Variants in GPHN observed in about 807,000 individuals in gnomAD.
The protein encoded by GPHN is gephyrin.
GPHN carries 17 observed loss-of-function variants against 95.5 expected under a neutral mutation model. That is an observed-to-expected ratio of 0.18 (90% CI 0.12 to 0.27). The LOEUF (loss-of-function observed/expected upper bound fraction) is 0.27, where lower values mean the gene tolerates loss of function less well. Ranked by LOEUF, GPHN falls within the 10% of genes least tolerant of loss-of-function variation. The pLI is 1.00. For missense variants in GPHN, 660 were observed against 978.1 expected, an observed-to-expected ratio of 0.67 and a Z score of 4.34; for synonymous variants, 320 against 322.5, an observed-to-expected ratio of 0.99 and a Z score of 0.08.
chr14:67,411,719 C>T, the GPHN span, among the ~76,000 whole-genome samples: 2,385 of 152,308 alleles, frequency 0.016, 25 homozygotes, highest in Middle Eastern at 0.034. Context: ...TCATACCATT[C>T]ATAATATTTT....
At chr14:67,261,423 A>T in the GPHN span, among the ~76,000 whole-genome samples, 1 of 152,202 alleles carries the variant, frequency 6.6e-6, no homozygotes, top group Non-Finnish European at 1.5e-5. Context: ...GAGTTGGTAT[A>T]GTTATAAGTA....
At chr14:66,918,864 T>C (rs2066054042) in intron 6 of GPHN, among the ~76,000 whole-genome samples, 1 of 152,126 alleles carries the variant, frequency 6.6e-6, no homozygotes, top group Non-Finnish European at 1.5e-5. Context: ...CAAAGATAGG[T>C]CGAAAGATTA....
At chr14:67,068,759 C>T (rs563182906) in intron 11 of GPHN, among the ~76,000 whole-genome samples, 18 of 152,246 alleles carry the variant, frequency 1.2e-4, no homozygotes, top group African/African-American at 4.3e-4. Flanking sequence ...TTAAGTTTTG[C>T]TGTTGGAAGT....
the GPHN span, chr14:67,586,169 G>A: frequency 3.3e-6 from 5 of 1,537,632 alleles, no homozygotes; most frequent in East Asian, 6.7e-5. Context: ...AAAGGAAACT[G>A]GGGTTATGCT....
At chr14:67,588,016 G>A in the GPHN span, 5 of 152,544 alleles carry the variant, frequency 3.3e-5, no homozygotes, top group Non-Finnish European at 7.4e-5. Flanking sequence ...GACAGAGTTG[G>A]AGAAAAAAGA....
the GPHN span, among the ~76,000 whole-genome samples, chr14:67,439,604 T>TTTTCTTTCTTTC: frequency 7.5e-6 from 1 of 133,524 alleles, no homozygotes; most frequent in African/African-American, 3.1e-5. Flanking sequence ...TTCTTTCTTT[T>TTTTCTTTCTTTC]TTGCATCAGA....
chr14:67,698,359 G>A, the GPHN span, among the ~76,000 whole-genome samples: 38 of 152,334 alleles, frequency 2.5e-4, no homozygotes, highest in Admixed American at 1.1e-3. Flanking sequence ...CCAGCTCTTT[G>A]GGAGGCTGAG....
chr14:67,558,854 G>C, the GPHN span, among the ~76,000 whole-genome samples: 1 of 152,222 alleles, frequency 6.6e-6, no homozygotes, highest in South Asian at 2.1e-4. Flanking sequence ...ACTGGTCAAA[G>C]CTGCTGTTGT....
intron 1 of GPHN, among the ~76,000 whole-genome samples, chr14:66,608,282 A>G (rs558844590): frequency 7.2e-5 from 11 of 151,832 alleles, no homozygotes; most frequent in African/African-American, 2.7e-4. Flanking sequence ...CTTTTCATGT[A>G]TATGTGTAGC....
the GPHN span, among the ~76,000 whole-genome samples, chr14:67,679,407 T>G: frequency 2.0e-5 from 3 of 151,070 alleles, no homozygotes; most frequent in African/African-American, 4.8e-5. Flanking sequence ...ATTCCAAGTT[T>G]TTTTTTTTTT....
intron 8 of GPHN, among the ~76,000 whole-genome samples, chr14:66,937,433 C>T (rs900497212): frequency 1.3e-5 from 2 of 150,026 alleles, no homozygotes; most frequent in South Asian, 2.1e-4. Flanking sequence ...CAGGCTGGAG[C>T]GCAGTGGCAC....
chr14:67,300,102 G>C, the GPHN span, among the ~76,000 whole-genome samples: 1 of 152,114 alleles, frequency 6.6e-6, no homozygotes, highest in South Asian at 2.1e-4. Flanking sequence ...AATATTTGCT[G>C]TGCCGTCCTG....
intron 8 of GPHN, among the ~76,000 whole-genome samples, chr14:66,940,505 A>C (rs1408043888): frequency 1.3e-5 from 2 of 152,174 alleles, no homozygotes; most frequent in Admixed American, 1.3e-4. Flanking sequence ...ACCCATGTTA[A>C]CAGGGGGAGC....
At chr14:67,637,177 A>G in the GPHN span, among the ~76,000 whole-genome samples, 1 of 152,002 alleles carries the variant, frequency 6.6e-6, no homozygotes, top group African/African-American at 2.4e-5. Flanking sequence ...TGGGAGGCTG[A>G]AGTGGGAGGA....
chr14:67,199,663 C>G, the GPHN span: 3 of 1,580,066 alleles, frequency 1.9e-6, no homozygotes, highest in Middle Eastern at 1.7e-4. Flanking sequence ...AGAACCCGCT[C>G]TCCCAGCCTG....
At chr14:67,190,155 T>C in the GPHN span, among the ~76,000 whole-genome samples, 6 of 150,136 alleles carry the variant, frequency 4.0e-5, no homozygotes, top group Non-Finnish European at 8.9e-5. Context: ...CCTCAGGTGA[T>C]CTACCTGCCT....
At chr14:67,523,855 A>T in the GPHN span, among the ~76,000 whole-genome samples, 6 of 151,890 alleles carry the variant, frequency 4.0e-5, no homozygotes, top group Non-Finnish European at 8.8e-5. Flanking sequence ...TTTTCTTCAT[A>T]TCCATGGGCA....
At chr14:67,111,976 C>G in intron 15 of GPHN, 57 bp downstream of exon 15, 1 of 1,257,032 alleles carries the variant, frequency 8.0e-7, no homozygotes, top group Non-Finnish European at 1.2e-6. Context: ...TGATCATTTA[C>G]TCAGGAAACC....
chr14:66,563,999 T>G (rs539350637), intron 1 of GPHN, among the ~76,000 whole-genome samples: 1 of 152,344 alleles, frequency 6.6e-6, no homozygotes, highest in South Asian at 2.1e-4. Flanking sequence ...AATACTTGCA[T>G]GTTTCATTTG....
Sources: gnomAD v4.1 joint callset for allele counts (sites outside exome capture counted in the v4.1 genomes callset) on GRCh38, gnomAD v4.1.1 for gene constraint, MANE v1.5 for transcripts, NCBI Gene and HGNC (gene_info 2026-07-23, HGNC 2026-07-21) for gene names.